Variants in VWF observed in about 807,000 individuals in gnomAD.
VWF encodes von Willebrand factor.
In VWF, 176 loss-of-function variants were observed where a neutral mutation model predicts 308.6. The ratio of observed to expected loss-of-function variants is 0.57; its 90% CI spans 0.50 to 0.65. VWF has a LOEUF of 0.65. Among genes scored for constraint, VWF ranks in the 30% least tolerant of loss-of-function variants. The pLI, the probability that VWF is intolerant of heterozygous loss-of-function variation, is 0.00. For synonymous variants in VWF, 1,385 were observed against 1,443.4 expected, an observed-to-expected ratio of 0.96 and a Z score of 0.92; for missense variants, 3,146 against 3,648.2, an observed-to-expected ratio of 0.86 and a Z score of 3.55.
chr12:6,088,486 A>T (rs939977115), intron 6 of VWF, among the ~76,000 whole-genome samples: 3 of 146,728 alleles, frequency 2.0e-5, no homozygotes, highest in Non-Finnish European at 4.4e-5. Context: ...CTAAAAAAAA[A>T]AAAAAAGCGA....
At chr12:5,967,714 C>T in intron 46 of VWF, 112 bp from the exon 47 acceptor site, 1 of 948,332 alleles carries the variant, frequency 1.1e-6, no homozygotes, top group Non-Finnish European at 1.7e-6. Context: ...TGAGCCATCG[C>T]TCTGCTGCTC....
At chr12:6,008,725 T>A (rs1011811829) in intron 34 of VWF, among the ~76,000 whole-genome samples, 1 of 152,158 alleles carries the variant, frequency 6.6e-6, no homozygotes, top group Non-Finnish European at 1.5e-5. Flanking sequence ...AGTAAAATTA[T>A]CTCCATTTGC....
chr12:5,993,782 A>G (rs547493285), intron 37 of VWF, 80 bp downstream of exon 37: 1 of 1,333,322 alleles, frequency 7.5e-7, no homozygotes, highest in East Asian at 2.3e-5. Flanking sequence ...TTAGCCAGAT[A>G]AAGAATCTGG....
chr12:6,036,454 C>CA lies in VWF; in HGVS notation c.2479dup (p.Cys827LeufsTer38). On this transcript the variant is annotated frameshift_variant, in exon 19 of 52. Transcript: ENST00000261405. LOFTEE classifies it high-confidence loss of function. ...CTCCTTGCCCTGATGGAAGCAGGGA[C>CA]ACCTTTCCAGGGCCACACATCTGTT... The CA allele has an allele frequency of 6.2e-7, 1 of 1,614,236 alleles. No individual in the cohort carries two copies. Among genetic ancestry groups the CA allele is most frequent in the Non-Finnish European group, 8.5e-7 (1 of 1,180,026 alleles).
chr12:6,095,646 G>GA (rs927578253), intron 5 of VWF, 62 bp from the exon 6 acceptor site: 3 of 1,610,822 alleles, frequency 1.9e-6, no homozygotes, highest in Admixed American at 1.7e-5. Flanking sequence ...ACTTCTGGGT[G>GA]AAAATTCTAG....
intron 6 of VWF, among the ~76,000 whole-genome samples, chr12:6,076,348 C>T (rs1014389): frequency 9.9e-5 from 15 of 152,204 alleles, no homozygotes; most frequent in African/African-American, 2.9e-4. Flanking sequence ...TCTAAATACA[C>T]CTTTTTCCCA....
At chr12:5,987,751 C>T (rs1253655940) in intron 38 of VWF, among the ~76,000 whole-genome samples, 2 of 152,196 alleles carry the variant, frequency 1.3e-5, no homozygotes, top group African/African-American at 2.4e-5. Context: ...AAAAGAAGTG[C>T]GTAGGCATGA....
At chr12:5,995,593 C>T (rs979061729) in intron 35 of VWF, among the ~76,000 whole-genome samples, 11 of 152,014 alleles carry the variant, frequency 7.2e-5, no homozygotes, top group Non-Finnish European at 8.8e-5. Flanking sequence ...TGGAGCCTGA[C>T]GTTTTATGTA....
Position 5,985,558 on chromosome 12 carries a change from C to G in VWF, c.6901+5G>C. The G allele has an allele frequency of 6.2e-7, 1 of 1,613,680 alleles. No homozygotes were observed. Among genetic ancestry groups the G allele is most frequent in the Non-Finnish European group, 8.5e-7 (1 of 1,179,964 alleles). ...TGAAGGCACCAGGGAGGGGAGGACTCTCACCTTTGGCCGTGGGGCAGGGCT... is the reference window on the plus strand; with the variant it reads ...TGAAGGCACCAGGGAGGGGAGGACTGTCACCTTTGGCCGTGGGGCAGGGCT... On this transcript the variant is annotated splice_donor_5th_base_variant and intron_variant, in intron 39 of 51. Coordinates refer to ENST00000261405, the MANE Select transcript of VWF (RefSeq NM_000552.5).
Position 5,967,446 on chromosome 12 carries a change from G to C in VWF, c.7887+40C>G, listed in dbSNP as rs374631669. 33 of 1,571,146 alleles carry C rather than the reference G, an allele frequency of 2.1e-5. No individual in the cohort carries two copies. The South Asian group carries it at 3.0e-4, about 14-fold the overall frequency. On this transcript the variant is annotated intron_variant, in intron 47 of 51. Coordinates refer to ENST00000261405, the MANE Select transcript of VWF (RefSeq NM_000552.5). ...GTCCCACTGCCTGGGTCCCACACGC[G>C]TCCAGTCCATGCCCTCGGTCCCCAT...
chr12:6,055,212 T>C (rs1444829734), intron 15 of VWF, among the ~76,000 whole-genome samples: 1 of 152,168 alleles, frequency 6.6e-6, no homozygotes, highest in Non-Finnish European at 1.5e-5. Flanking sequence ...AGTGGGCCCT[T>C]AGCATTCCAG....
intron 10 of VWF, among the ~76,000 whole-genome samples, chr12:6,068,831 T>TG (rs1352823620): frequency 4.9e-5 from 6 of 123,316 alleles, no homozygotes; most frequent in African/African-American, 1.8e-4. Flanking sequence ...TTTTTTTTTT[T>TG]TTGCGTGTGT....
At chr12:5,993,810 C>T (rs1943772445) in intron 37 of VWF, 52 bp downstream of exon 37, 3 of 1,569,332 alleles carry the variant, frequency 1.9e-6, no homozygotes, top group Non-Finnish European at 8.7e-7. Flanking sequence ...AGAGGCTGAG[C>T]AAGCCCAGTT....
chr12:6,075,397 TACTCCAGGAGGGCAGGGCAGGCGC>T lies in VWF; in HGVS notation c.788_811del (p.Cys263_Glu270del), dbSNP rs63749067. 1 of 1,613,978 alleles carries T rather than the reference TACTCCAGGAGGGCAGGGCAGGCGC, an allele frequency of 6.2e-7. No individual in the cohort carries two copies. On this transcript the variant is annotated inframe_deletion, in exon 7 of 52. Transcript: ENST00000261405. This position sits in a 1 kb window ranked among gnomAD's most constrained non-coding sequence, Gnocchi z 4.7. ...TCCCTCCTGGGCACAGGTCCGGGCG[TACTCCAGGAGGGCAGGGCAGGCGC>T]ACTCCAGCCCCCCAGCACACTCACA...
In VWF at chr12:6,019,290, T is replaced by A. The variant is rs1565832117; in HGVS notation, c.4128A>T (p.Glu1376Asp). 4.3e-6 allele frequency: 7 copies of A among 1,613,832 alleles called. No homozygotes were observed. Among genetic ancestry groups the A allele is most frequent in the Non-Finnish European group, 5.9e-6 (7 of 1,179,846 alleles). Residue 1376 changes from glutamate (E) to aspartate (D), a missense_variant, in exon 28 of 52, where the codon GAA becomes GAT. Physicochemically the swap from Glu to Asp is conservative, Grantham distance 45. This residue lies in a region of VWF where 853 missense variants were observed against 1,177.8 expected (regional missense o/e 0.72). Transcript: ENST00000261405. The surrounding 1 kb of genome is among the most constrained non-coding windows in gnomAD (Gnocchi z 5.8). Reference protein sequence around the residue: ...FQIFSKIDRPEASRITLLLMA... With the variant: ...FQIFSKIDRPDASRITLLLMA... ...TCAGGAGCAGGGTGATGCGGGAGGC[T>A]TCAGGGCGGTCGATCTTGCTGAAGA...
chr12:6,124,194 G>A (rs1226509653), intron 1 of VWF, among the ~76,000 whole-genome samples: 1 of 152,148 alleles, frequency 6.6e-6, no homozygotes, highest in Non-Finnish European at 1.5e-5. Context: ...TTTGAGTGAA[G>A]TACTATCAAA....
At chr12:6,052,435 T>C (rs1292149798) in intron 16 of VWF, 108 bp downstream of exon 16, 3 of 1,561,390 alleles carry the variant, frequency 1.9e-6, no homozygotes, top group Non-Finnish European at 2.6e-6. Flanking sequence ...AGTCACTTCC[T>C]TCCTTGGGCC....
chr12:6,110,912 C>T lies in VWF; in HGVS notation c.277G>A (p.Asp93Asn). The T allele has an allele frequency of 1.2e-6, 2 of 1,614,072 alleles. No individual in the cohort carries two copies. The highest frequency in any genetic ancestry group is 1.7e-6 in the Non-Finnish European group (2 of 1,180,022). Reference protein sequence around the residue: ...SLSVYLGEFFDIHLFVNGTVT... With the variant: ...SLSVYLGEFFNIHLFVNGTVT... The stretch of plus-strand genomic sequence containing the variant: ...GTACCATTGACAAACAAATGGATGT[C>T]AAAAAATTCCCCAAGATACACGGAG... The change falls in exon 4 of 52, where the codon GAC becomes AAC. Residue 93 changes from aspartate to asparagine, a missense_variant. Physicochemically the swap from Asp to Asn is conservative, Grantham distance 23. This residue lies in a region of VWF where 1,304 missense variants were observed against 1,353.0 expected (regional missense o/e 0.96). Transcript: ENST00000261405.
intron 18 of VWF, among the ~76,000 whole-genome samples, chr12:6,037,000 G>A (rs1005758215): frequency 3.9e-5 from 6 of 152,108 alleles, no homozygotes; most frequent in Non-Finnish European, 8.8e-5. Flanking sequence ...ATCACCAGGC[G>A]CCAGTATCCT....
Sources: allele counts gnomAD v4.1 joint callset (sites outside exome capture counted in the v4.1 genomes callset), GRCh38; gene constraint gnomAD v4.1.1; regional missense constraint gnomAD v4.1.1; non-coding constraint Gnocchi (gnomAD v3.1); transcripts MANE v1.5; gene names NCBI Gene and HGNC (gene_info 2026-07-23, HGNC 2026-07-21).